TRIM9: variants seen among roughly 807,000 people sequenced by gnomAD.
TRIM9 encodes tripartite motif containing 9, also known as E3 ubiquitin-protein ligase TRIM9.
A neutral mutation model predicts 78.3 loss-of-function variants in TRIM9; 26 were observed. The observed-to-expected ratio is 0.33, with a 90% CI of 0.24 to 0.46. The LOEUF (loss-of-function observed/expected upper bound fraction) is 0.46. Ranked by LOEUF, TRIM9 falls within the 20% of genes least tolerant of loss-of-function variation. TRIM9 has a pLI of 1.00. For synonymous variants in TRIM9, 398 were observed against 416.5 expected (o/e 0.96, Z 0.54); for missense variants, 787 against 1,036.4 (o/e 0.76, Z 3.30).
intron 1 of TRIM9, among the ~76,000 whole-genome samples, chr14:51,069,801 G>C (rs1365853836): frequency 1.3e-5 from 2 of 152,170 alleles, no homozygotes; most frequent in Non-Finnish European, 2.9e-5. Context: ...CAATTACTGA[G>C]AGCAATCTTC....
chr14:51,047,605 C>G (rs1419421912), intron 1 of TRIM9, among the ~76,000 whole-genome samples: 1 of 152,114 alleles, frequency 6.6e-6, no homozygotes, highest in African/African-American at 2.4e-5. Context: ...AGGCAGTGAT[C>G]CAGACTCTGC....
At chr14:51,040,243 T>C (rs894645000) in intron 1 of TRIM9, among the ~76,000 whole-genome samples, 29 of 152,232 alleles carry the variant, frequency 1.9e-4, no homozygotes, top group African/African-American at 6.5e-4. Context: ...AAGCCACTTA[T>C]AATTGACCAA....
Position 51,076,827 on chromosome 14 carries a change from C to A in TRIM9, c.822+17291G>T, listed in dbSNP as rs1423411926. 5.3e-5 allele frequency among the ~76,000 whole-genome samples: 8 copies of A among 152,314 alleles called. No individual in the cohort carries two copies. The East Asian group carries it at 1.5e-3, about 29-fold the overall frequency. On this transcript the variant is annotated intron_variant, in intron 1 of 12. Transcript: ENST00000684578. ...TCACAGCCTACCACCGTCCTTCCCACTGCAAGATACAGGTCCTTATTCCTA... is the reference window on the plus strand; with the variant it reads ...TCACAGCCTACCACCGTCCTTCCCAATGCAAGATACAGGTCCTTATTCCTA...
chr14:51,016,969 G>A (rs2057278909), intron 3 of TRIM9, among the ~76,000 whole-genome samples: 1 of 152,164 alleles, frequency 6.6e-6, no homozygotes, highest in Admixed American at 6.5e-5. Flanking sequence ...TCAGGAGGGA[G>A]TTTCTATGTG....
intron 3 of TRIM9, among the ~76,000 whole-genome samples, chr14:51,015,498 TAC>T: frequency 1.4e-5 from 2 of 143,950 alleles, no homozygotes; most frequent in African/African-American, 5.2e-5. Context: ...TTTCTTTCTT[TAC>T]TTTTCTTTTT....
Position 51,094,126 on chromosome 14 carries a change from G to C in TRIM9, c.814C>G (p.Leu272Val), listed in dbSNP as rs757868201. 7 of 1,612,614 alleles carry C rather than the reference G, an allele frequency of 4.3e-6. No homozygotes were observed. The change falls in exon 1 of 13, where the codon CTA becomes GTA. Residue 272 changes from leucine (L) to valine (V), a missense_variant. This residue lies in a region of TRIM9 where 352 missense variants were observed against 472.3 expected (regional missense o/e 0.75). Transcript: ENST00000684578. ...EVKALGAMWK[L>V]HKSQLSQALN... Reference sequence around the variant, plus strand: ...GTTTTCTTAGGACTCACCTTATGTAGTTTCCACATGGCCCCCAGAGCCTTG... The same window carrying C: ...GTTTTCTTAGGACTCACCTTATGTACTTTCCACATGGCCCCCAGAGCCTTG...
At chr14:51,034,142 G>A (rs999413925) in intron 1 of TRIM9, among the ~76,000 whole-genome samples, 8 of 151,716 alleles carry the variant, frequency 5.3e-5, no homozygotes, top group East Asian at 1.9e-4. Flanking sequence ...TGAATTTTCC[G>A]AATTGTTTTC....
chr14:51,024,017 C>T (rs533828688), intron 2 of TRIM9, among the ~76,000 whole-genome samples: 2 of 152,322 alleles, frequency 1.3e-5, no homozygotes, highest in South Asian at 4.1e-4. Context: ...ATAAGGAATG[C>T]ATTAGTAATT....
chr14:51,003,788 T>C (rs898037127), intron 5 of TRIM9, among the ~76,000 whole-genome samples: 1 of 152,158 alleles, frequency 6.6e-6, no homozygotes, highest in Admixed American at 6.5e-5. Flanking sequence ...TTTGCATCTG[T>C]CTGAATCTAT....
At chr14:51,001,699 A>C (rs912184988) in intron 5 of TRIM9, among the ~76,000 whole-genome samples, 3 of 152,112 alleles carry the variant, frequency 2.0e-5, no homozygotes, top group Non-Finnish European at 2.9e-5. Flanking sequence ...GTAAGTAGCT[A>C]CAACAGTGGA....
At chr14:51,087,456 G>A (rs2140350280) in intron 1 of TRIM9, among the ~76,000 whole-genome samples, 1 of 152,324 alleles carries the variant, frequency 6.6e-6, no homozygotes, top group East Asian at 1.9e-4. Context: ...GGTTTCTTGG[G>A]TAATCTCACT....
At chr14:51,026,229 G>A (rs1413285231) in intron 1 of TRIM9, among the ~76,000 whole-genome samples, 1 of 152,144 alleles carries the variant, frequency 6.6e-6, no homozygotes. Context: ...CTTTAGGATG[G>A]ATGTGATGTC....
intron 1 of TRIM9, among the ~76,000 whole-genome samples, chr14:51,085,664 T>C (rs1487208218): frequency 2.0e-5 from 3 of 152,242 alleles, no homozygotes; most frequent in African/African-American, 7.2e-5. Flanking sequence ...GACTTATAAA[T>C]GTTTAGATGT....
chr14:51,003,337 C>T (rs569601817), intron 5 of TRIM9, among the ~76,000 whole-genome samples: 14 of 152,234 alleles, frequency 9.2e-5, no homozygotes, highest in East Asian at 5.8e-4. Flanking sequence ...TATTAGTTAG[C>T]GCCCACCATG....
At chr14:51,057,159 C>T (rs1332559666) in intron 1 of TRIM9, among the ~76,000 whole-genome samples, 2 of 152,176 alleles carry the variant, frequency 1.3e-5, no homozygotes, top group South Asian at 2.1e-4. Context: ...CACCCTAAAA[C>T]CCCACAATTC....
At chr14:51,090,159 A>C (rs2064166901) in intron 1 of TRIM9, 1 of 152,240 alleles carries the variant, frequency 6.6e-6, no homozygotes, top group South Asian at 2.1e-4. Flanking sequence ...AAAAATGTTT[A>C]CATGGCACAC....
chr14:51,034,553 T>C (rs545707358), intron 1 of TRIM9, among the ~76,000 whole-genome samples: 1 of 152,318 alleles, frequency 6.6e-6, no homozygotes, highest in Non-Finnish European at 1.5e-5. Flanking sequence ...TTTGGGAGTA[T>C]GATTTTTTAA....
chr14:50,976,012 T>C lies in TRIM9; in HGVS notation c.*1279A>G, dbSNP rs1054855116. The stretch of plus-strand genomic sequence containing the variant: ...TTTCATTCATAACAGGCACAGATAG[T>C]ATATATGGAGACAAGCATGTTTATC... On this transcript the variant is annotated 3_prime_UTR_variant, in exon 13 of 13. Coordinates refer to ENST00000684578, the MANE Select transcript of TRIM9 (RefSeq NM_001387360.1). 12 of 152,562 alleles carry C rather than the reference T, an allele frequency of 7.9e-5. No homozygotes were observed. The highest frequency in any genetic ancestry group is 2.7e-4 in the African/African-American group (11 of 41,416). 9.5% of individuals were successfully genotyped at this position (152,562 alleles called of 1,614,324 possible).
intron 1 of TRIM9, among the ~76,000 whole-genome samples, chr14:51,093,101 G>T (rs1272600414): frequency 6.6e-6 from 1 of 152,122 alleles, no homozygotes; most frequent in African/African-American, 2.4e-5. Flanking sequence ...GAGGCAATGA[G>T]GTCGAAGGGG....
Sources: allele counts gnomAD v4.1 joint callset (sites outside exome capture counted in the v4.1 genomes callset), GRCh38; gene constraint gnomAD v4.1.1; regional missense constraint gnomAD v4.1.1; transcripts MANE v1.5; gene names NCBI Gene and HGNC (gene_info 2026-07-23, HGNC 2026-07-21).